Variants in ATF7 observed in about 807,000 individuals in gnomAD.
ATF7 encodes the protein cyclic AMP-dependent transcription factor ATF-7.
Under a neutral mutation model 50.4 loss-of-function variants are expected in ATF7, and 10 were observed. That is an observed-to-expected ratio of 0.20 (90% CI 0.12 to 0.34). ATF7 has a LOEUF of 0.34. ATF7 is among the 10% of genes least tolerant of loss of function. The probability of loss-of-function intolerance (pLI) is 1.00; values close to 1 mark genes in which losing one functional copy is unlikely to be tolerated. For missense variants in ATF7, 465 were observed against 613.9 expected (o/e 0.76, Z 2.56); for synonymous variants, 201 against 226.4 (o/e 0.89, Z 1.01).
chr12:53,509,159 C>T (rs1001018949), downstream of ATF7, among the ~76,000 whole-genome samples: 3 of 152,192 alleles, frequency 2.0e-5, no homozygotes, highest in African/African-American at 7.2e-5. Context: ...CTCTGAGCTT[C>T]AGTTTCCTCA....
chr12:53,571,565 A>C (rs934857942), intron 2 of ATF7, among the ~76,000 whole-genome samples: 5 of 151,540 alleles, frequency 3.3e-5, no homozygotes, highest in African/African-American at 4.9e-5. Flanking sequence ...TACTCAGAAG[A>C]CTGAGAAGGG....
chr12:53,587,037 C>T (rs10783586), intron 2 of ATF7, among the ~76,000 whole-genome samples: 71,020 of 151,958 alleles, frequency 0.47, 17,405 homozygotes, highest in East Asian at 0.92. Flanking sequence ...GTTAATTTCA[C>T]ATGGTTCACA....
chr12:53,600,039 C>T (rs748935567), intron 2 of ATF7, among the ~76,000 whole-genome samples: 21 of 152,080 alleles, frequency 1.4e-4, no homozygotes, highest in African/African-American at 2.7e-4. Context: ...AATATAATTA[C>T]GTGACAGCTG....
In ATF7 at chr12:53,537,432, G is replaced by A. The variant is rs753357293; in HGVS notation, c.385C>T (p.Pro129Ser). Residue 129 changes from proline to serine, a missense_variant, in exon 5 of 12, where the codon CCA becomes TCA. Physicochemically the swap from Pro to Ser is moderately conservative, Grantham distance 74. Transcript: ENST00000420353. ...PDSPASSPCS[P>S]PLKEKEVTPK... ...GAATTTACCTTCTCCTTCAGTGGTG[G>A]GGAACAGGGACTAGAGGCAGGGCTA... is the stretch of plus-strand genomic sequence containing the variant. 1.9e-6 allele frequency: 3 copies of A among 1,613,694 alleles called. No homozygotes were observed. The South Asian group carries it at 3.3e-5, about 18-fold the overall frequency.
rs767179285 is a variant in ATF7 at position 53,587,393 on chromosome 12, C to T, written c.48+13560G>A. ...AAAAAAAAAAAAAAAAGAAGGAAAA[C>T]GTGACGCACGCCTGTAATCCCAGCA... On this transcript the variant is annotated intron_variant, in intron 2 of 11. Coordinates refer to ENST00000420353, the MANE Select transcript of ATF7 (RefSeq NM_006856.3). Among the ~76,000 whole-genome samples, 10 of 80,806 alleles carry T rather than the reference C, an allele frequency of 1.2e-4. No homozygotes were observed. In the East Asian group the frequency reaches 8.6e-3, roughly 70 times the overall value. 53.0% of individuals were successfully genotyped at this position (80,806 alleles called of 152,430 possible).
chr12:53,563,322 A>G (rs568512481), intron 2 of ATF7, among the ~76,000 whole-genome samples: 1 of 152,164 alleles, frequency 6.6e-6, no homozygotes, highest in Non-Finnish European at 1.5e-5. Context: ...ATCTTTTTAA[A>G]GTAGACTGTA....
intron 1 of ATF7, among the ~76,000 whole-genome samples, chr12:53,606,554 G>T (rs184642178): frequency 6.6e-6 from 1 of 150,760 alleles, no homozygotes; most frequent in Non-Finnish European, 1.5e-5. Context: ...GGCCTGGCAC[G>T]TTTTTTTTTA....
At chr12:53,510,194 C>T (rs569889097), downstream of ATF7, among the ~76,000 whole-genome samples, 1 of 152,074 alleles carries the variant, frequency 6.6e-6, no homozygotes, top group Non-Finnish European at 1.5e-5. Flanking sequence ...CATGCACCAC[C>T]GCGCCTGGCT....
At chr12:53,574,872 G>T (rs1941968298) in intron 2 of ATF7, 1 of 354,360 alleles carries the variant, frequency 2.8e-6, no homozygotes, top group East Asian at 9.1e-5. Context: ...AATTCAAGAT[G>T]GGGAGCATTC....
chr12:53,620,390 A>C (rs1240011963), intron 1 of ATF7, among the ~76,000 whole-genome samples: 4 of 150,528 alleles, frequency 2.7e-5, no homozygotes, highest in Non-Finnish European at 3.0e-5. Context: ...TCCTGGCTAA[A>C]ACGGTGAAAC....
At chr12:53,594,049 T>C (rs1400871351) in intron 2 of ATF7, among the ~76,000 whole-genome samples, 1 of 152,246 alleles carries the variant, frequency 6.6e-6, no homozygotes, top group African/African-American at 2.4e-5. Context: ...GAATGAGGAA[T>C]TCTATATAAT....
At chr12:53,610,036 CG>C (rs1943794765) in intron 1 of ATF7, among the ~76,000 whole-genome samples, 1 of 151,412 alleles carries the variant, frequency 6.6e-6, no homozygotes, top group African/African-American at 2.4e-5. Flanking sequence ...AGGCTGGTTT[CG>C]AACTCCTGAC....
At chr12:53,597,670 G>A (rs1436749453) in intron 2 of ATF7, among the ~76,000 whole-genome samples, 3 of 152,046 alleles carry the variant, frequency 2.0e-5, no homozygotes, top group Non-Finnish European at 4.4e-5. Context: ...TTAGCTGGGT[G>A]TGGTGGCGGG....
chr12:53,612,123 G>T (rs997677913), intron 1 of ATF7, among the ~76,000 whole-genome samples: 1 of 149,986 alleles, frequency 6.7e-6, no homozygotes, highest in Non-Finnish European at 1.5e-5. Context: ...CTACGGGCTC[G>T]CACCACCACA....
chr12:53,546,518 G>C (rs954387292), intron 3 of ATF7, among the ~76,000 whole-genome samples: 2 of 149,944 alleles, frequency 1.3e-5, no homozygotes, highest in African/African-American at 4.9e-5. Context: ...ATGTGATCTC[G>C]GCTCACTGCA....
At chr12:53,613,941 T>C (rs1944003635) in intron 1 of ATF7, among the ~76,000 whole-genome samples, 1 of 151,934 alleles carries the variant, frequency 6.6e-6, no homozygotes. Context: ...AACAGAAGGC[T>C]GAAATTAATT....
intron 1 of ATF7, among the ~76,000 whole-genome samples, chr12:53,614,924 T>C (rs1944053807): frequency 1.3e-5 from 2 of 151,560 alleles, no homozygotes; most frequent in South Asian, 4.2e-4. Flanking sequence ...CTACTAAAAA[T>C]ACAAAATTAG....
intron 2 of ATF7, among the ~76,000 whole-genome samples, chr12:53,573,914 G>C (rs1446139161): frequency 1.3e-5 from 2 of 152,178 alleles, no homozygotes; most frequent in African/African-American, 2.4e-5. Context: ...CCAGGGCATA[G>C]GCTCACCAAA....
intron 1 of ATF7, among the ~76,000 whole-genome samples, chr12:53,610,413 A>G (rs1375111823): frequency 2.0e-5 from 3 of 151,894 alleles, no homozygotes; most frequent in Non-Finnish European, 4.4e-5. Context: ...AAAAATACAA[A>G]AATTAGCCGG....
Sources: gnomAD v4.1 joint callset for allele counts (sites outside exome capture counted in the v4.1 genomes callset) on GRCh38, gnomAD v4.1.1 for gene constraint, MANE v1.5 for transcripts, NCBI Gene and HGNC (gene_info 2026-07-23, HGNC 2026-07-21) for gene names.